Variants in FGD3 observed in about 807,000 individuals in gnomAD.
FGD3 encodes FYVE, RhoGEF and PH domain-containing protein 3.
FGD3 carries 45 observed loss-of-function variants against 71.8 expected under a neutral mutation model. The ratio of observed to expected loss-of-function variants is 0.63; its 90% CI spans 0.49 to 0.80. FGD3 has a LOEUF of 0.80. Ranked by LOEUF, FGD3 falls within the 30% of genes least tolerant of loss-of-function variation. The pLI, the probability that FGD3 is intolerant of heterozygous loss-of-function variation, is 0.00. For synonymous variants in FGD3, 378 were observed against 392.8 expected (o/e 0.96, Z 0.44); for missense variants, 844 against 951.5 (o/e 0.89, Z 1.49).
At chr9:93,029,779 G>C (rs1862283930) in intron 14 of FGD3, 95 bp from the exon 15 acceptor site, 14 of 1,502,774 alleles carry the variant, frequency 9.3e-6, no homozygotes, top group Non-Finnish European at 1.2e-5. Context: ...AGCCTGTGTG[G>C]CTTTTACAGT....
At chr9:93,019,945 C>A in intron 12 of FGD3, 84 bp downstream of exon 12, 1 of 1,477,228 alleles carries the variant, frequency 6.8e-7, no homozygotes, top group Non-Finnish European at 9.5e-7. Flanking sequence ...AGGGTGGGGG[C>A]CCTGGCCTCC....
chr9:92,961,505 G>A (rs1488032749), intron 1 of FGD3, among the ~76,000 whole-genome samples: 1 of 152,164 alleles, frequency 6.6e-6, no homozygotes, highest in Non-Finnish European at 1.5e-5. Flanking sequence ...ATACTTCCTG[G>A]TGGTTGCTTC....
At chr9:93,012,529 A>T (rs1401122904) in intron 8 of FGD3, among the ~76,000 whole-genome samples, 1 of 152,172 alleles carries the variant, frequency 6.6e-6, no homozygotes, top group Non-Finnish European at 1.5e-5. Flanking sequence ...TCATGGCTGT[A>T]ATCCCAGCAC....
intron 1 of FGD3, among the ~76,000 whole-genome samples, chr9:92,956,838 CT>C (rs71364336): frequency 3.4e-4 from 47 of 138,712 alleles, no homozygotes; most frequent in South Asian, 1.6e-3. Flanking sequence ...TGCTTTCTTT[CT>C]TTTTTTTTTT....
chr9:92,969,152 G>A lies in FGD3; in HGVS notation c.-217-6086G>A, dbSNP rs559407739. 8.5e-5 allele frequency among the ~76,000 whole-genome samples: 13 copies of A among 152,350 alleles called. No homozygotes were observed. Among genetic ancestry groups the A allele is most frequent in the African/African-American group, 2.2e-4 (9 of 41,580 alleles). On this transcript the variant is annotated intron_variant, in intron 1 of 17. Coordinates refer to ENST00000375482, the MANE Select transcript of FGD3 (RefSeq NM_001083536.2). The surrounding 1 kb of genome is among the most constrained non-coding windows in gnomAD (Gnocchi z 4.5). ...GGTAACCCACAAGGGAGATCTTGTC[G>A]TCATCATCCCTCATGATTCTGGGCC... is the stretch of plus-strand genomic sequence containing the variant.
chr9:92,977,672 A>G (rs1367239078), intron 3 of FGD3, among the ~76,000 whole-genome samples: 1 of 152,104 alleles, frequency 6.6e-6, no homozygotes. Flanking sequence ...TCAGTTTCCA[A>G]GAGAAAGGGG....
At chr9:93,034,437 C>A in intron 16 of FGD3, 104 bp from the exon 17 acceptor site, 2 of 1,431,804 alleles carry the variant, frequency 1.4e-6, no homozygotes, top group Middle Eastern at 2.0e-4. Context: ...GTCTCCACAG[C>A]CAGCTCCCCC....
intron 8 of FGD3, 68 bp downstream of exon 8, chr9:93,011,340 G>C (rs1045589470): frequency 6.3e-7 from 1 of 1,581,342 alleles, no homozygotes; most frequent in African/African-American, 1.3e-5. Flanking sequence ...GGGCCCTTGT[G>C]GGCCAGCCCC....
chr9:92,951,040 T>C (rs1329359138), intron 1 of FGD3, among the ~76,000 whole-genome samples: 1 of 152,122 alleles, frequency 6.6e-6, no homozygotes, highest in Non-Finnish European at 1.5e-5. Context: ...GTGGGAGCCC[T>C]GCAGGCTGAG....
intron 8 of FGD3, 118 bp from the exon 9 acceptor site, chr9:93,013,734 A>T: frequency 7.8e-7 from 1 of 1,275,270 alleles, no homozygotes; most frequent in Admixed American, 2.1e-5. Context: ...CACCCTTGTC[A>T]GTAGCTCATT....
At chr9:93,005,128 C>T (rs1861003607) in intron 5 of FGD3, among the ~76,000 whole-genome samples, 1 of 150,276 alleles carries the variant, frequency 6.7e-6, no homozygotes, top group Non-Finnish European at 1.5e-5. Context: ...GCCCTTTGGA[C>T]ATTTTTTTTT....
chr9:93,015,299 T>G (rs967994226), intron 9 of FGD3, among the ~76,000 whole-genome samples: 1 of 151,838 alleles, frequency 6.6e-6, no homozygotes, highest in Admixed American at 6.6e-5. Context: ...CTACTAAAAA[T>G]GCAAAAATTA....
chr9:93,030,291 A>T (rs1194856124), intron 15 of FGD3, among the ~76,000 whole-genome samples: 1 of 152,238 alleles, frequency 6.6e-6, no homozygotes, highest in East Asian at 1.9e-4. Context: ...GAGAACAAGG[A>T]GATGATAGTC....
chr9:92,997,145 G>A (rs1860678300), intron 3 of FGD3, among the ~76,000 whole-genome samples: 1 of 152,208 alleles, frequency 6.6e-6, no homozygotes, highest in Non-Finnish European at 1.5e-5. Context: ...CTTGCTTTAT[G>A]AATATGGGTG....
intron 6 of FGD3, among the ~76,000 whole-genome samples, chr9:93,007,732 G>A (rs1166315861): frequency 6.6e-6 from 1 of 152,224 alleles, no homozygotes; most frequent in Non-Finnish European, 1.5e-5. Context: ...GGCCAGGCAG[G>A]CTGTGGGGAG....
rs1373440746 is a variant in FGD3 at position 93,010,401 on chromosome 9, G to C, written c.976+17G>C. On this transcript the variant is annotated intron_variant, in intron 7 of 17. Transcript: ENST00000375482. Reference sequence around the variant, plus strand: ...ATGCGGAGAGTGAGCTGGGGCCAAGGGCTCCCAGGAGGGTGCAGGGGCACC... The same window carrying C: ...ATGCGGAGAGTGAGCTGGGGCCAAGCGCTCCCAGGAGGGTGCAGGGGCACC... The C allele has an allele frequency of 6.3e-7, 1 of 1,598,888 alleles. No individual in the cohort carries two copies. Among genetic ancestry groups the C allele is most frequent in the Admixed American group, 1.7e-5 (1 of 59,244 alleles).
chr9:92,995,585 C>G (rs1263258208), intron 3 of FGD3, among the ~76,000 whole-genome samples: 2 of 152,144 alleles, frequency 1.3e-5, no homozygotes, highest in Non-Finnish European at 2.9e-5. Flanking sequence ...AGTTTTTGCT[C>G]ATTCAGTATG....
At chr9:92,992,830 T>A (rs1364701712) in intron 3 of FGD3, among the ~76,000 whole-genome samples, 1 of 152,194 alleles carries the variant, frequency 6.6e-6, no homozygotes, top group Admixed American at 6.5e-5. Flanking sequence ...GATGTAGCTA[T>A]GCAAATTCTC....
chr9:92,989,824 G>A (rs1253719026), intron 3 of FGD3, among the ~76,000 whole-genome samples: 2 of 150,788 alleles, frequency 1.3e-5, no homozygotes, highest in East Asian at 1.9e-4. Flanking sequence ...AGGAAAGGCA[G>A]TTTCTTGCAT....
Sources: gnomAD v4.1 joint callset for allele counts (sites outside exome capture counted in the v4.1 genomes callset) on GRCh38, gnomAD v4.1.1 for gene constraint, Gnocchi (gnomAD v3.1) non-coding constraint, MANE v1.5 for transcripts, NCBI Gene and HGNC (gene_info 2026-07-23, HGNC 2026-07-21) for gene names.